JAK1: variants seen among roughly 807,000 people sequenced by gnomAD.
The protein encoded by JAK1 is Janus kinase 1, also known as tyrosine-protein kinase JAK1.
JAK1 carries 16 observed loss-of-function variants against 136.6 expected under a neutral mutation model. The ratio of observed to expected loss-of-function variants is 0.12; its 90% confidence interval spans 0.08 to 0.18. The LOEUF (loss-of-function observed/expected upper bound fraction) is 0.18. Ranked by LOEUF, JAK1 falls within the 10% of genes least tolerant of loss-of-function variation. The pLI is 1.00. For synonymous variants in JAK1, 492 were observed against 519.5 expected (o/e 0.95, Z 0.72); for missense variants, 859 against 1,450.1 (o/e 0.59, Z 6.62).
At chr1:64,834,990 A>G (rs1654381153) in intron 24 of JAK1, among the ~76,000 whole-genome samples, 1 of 152,250 alleles carries the variant, frequency 6.6e-6, no homozygotes, top group Non-Finnish European at 1.5e-5. Flanking sequence ...CATACTGTTC[A>G]GTGTGTCTTA....
intron 2 of JAK1, among the ~76,000 whole-genome samples, chr1:65,031,660 C>T (rs979846125): frequency 6.6e-6 from 1 of 152,098 alleles, no homozygotes; most frequent in Non-Finnish European, 1.5e-5. Context: ...AATCATTTTG[C>T]TATGGTTATA....
rs751312753 is a variant in JAK1, at chr1:64,869,510, C to T, written c.484-36G>A. ...GGGGGAGAAACCATGAGAGCCCACC[C>T]GTTTTTGATCTTGACAAGAAGGCTA... On this transcript the variant is annotated intron_variant, in intron 5 of 24. Coordinates refer to ENST00000342505, the MANE Select transcript of JAK1 (RefSeq NM_002227.4). The T allele has an allele frequency of 4.6e-5, 73 of 1,588,152 alleles. No homozygotes were observed. The Admixed American group carries it at 8.5e-4, about 19-fold the overall frequency.
In JAK1 at chr1:64,839,385, C is replaced by T. The variant is rs1654743227; in HGVS notation, c.2842+218G>A. The T allele has an allele frequency of 3.3e-5, 15 of 455,716 alleles. No homozygotes were observed. The South Asian group carries it at 6.4e-4, about 19-fold the overall frequency. 28.2% of individuals were successfully genotyped at this position (455,716 alleles called of 1,614,324 possible). On this transcript the variant is annotated intron_variant, in intron 20 of 24. Transcript: ENST00000342505. The stretch of plus-strand genomic sequence containing the variant: ...GTGACGTGGAGAGACAGTGCTGGAA[C>T]CAGCCCCTGGATGGAGGGGCCTGGG...
intron 1 of JAK1, among the ~76,000 whole-genome samples, chr1:64,937,037 A>AG (rs1364992536): frequency 1.4e-5 from 2 of 145,044 alleles, no homozygotes; most frequent in African/African-American, 5.1e-5. Flanking sequence ...TGACTGTTTA[A>AG]AAAAAAAAAA....
chr1:65,010,214 GC>G (rs1291465721), intron 2 of JAK1, among the ~76,000 whole-genome samples: 1 of 152,160 alleles, frequency 6.6e-6, no homozygotes, highest in Non-Finnish European at 1.5e-5. Flanking sequence ...ATAGAATAAA[GC>G]AAAAGTGACA....
rs769688345 is a variant in JAK1, at chr1:64,845,540, T to C, written c.2088A>G (p.Lys696=). ...LTTPWKFKVA[K]QLASALSYLE... ...AGTAGCTCAGGGCACTGGCCAGCTG[T>C]TTGGCAACTTTGAATTTCCATGGTG... The change falls in exon 15 of 25, where the codon AAA becomes AAG. Residue 696 remains lysine (K), a synonymous_variant. Transcript: ENST00000342505. The C allele has an allele frequency of 3.1e-6, 5 of 1,614,068 alleles. No homozygotes were observed. In the East Asian group the frequency reaches 1.1e-4, roughly 36 times the overall value.
At chr1:64,888,492 G>A (rs1185564727) in intron 1 of JAK1, among the ~76,000 whole-genome samples, 1 of 152,154 alleles carries the variant, frequency 6.6e-6, no homozygotes, top group African/African-American at 2.4e-5. Context: ...AACTTAAAAA[G>A]TTTTTTAATA....
Position 65,050,935 on chromosome 1 carries a change from T to C in JAK1, c.-180-6353A>G, listed in dbSNP as rs555841951. Among the ~76,000 whole-genome samples, 6 of 152,244 alleles carry C rather than the reference T, an allele frequency of 3.9e-5. No homozygotes were observed. The South Asian group carries it at 1.2e-3, about 32-fold the overall frequency. On this transcript the variant is annotated intron_variant, in intron 1 of 25. Transcript: ENST00000671954. ...GAAACATGGAGAACTCTTCTACTCT[T>C]TGAGGATTTCAATGAGGATGAAATG...
chr1:64,842,444 C>T (rs1235362646), intron 17 of JAK1, among the ~76,000 whole-genome samples: 1 of 145,574 alleles, frequency 6.9e-6, no homozygotes, highest in Non-Finnish European at 1.5e-5. Context: ...CTCTCTGGTC[C>T]CCGTGGGCCC....
At chr1:64,913,667 G>GGAAGGAAA (rs1488276141) in intron 1 of JAK1, among the ~76,000 whole-genome samples, 3 of 22,928 alleles carry the variant, frequency 1.3e-4, no homozygotes, top group Admixed American at 3.2e-4. Context: ...AAGGAAGGAA[G>GGAAGGAAA]GAAGGAAGGA....
intron 1 of JAK1, among the ~76,000 whole-genome samples, chr1:64,962,711 A>G (rs1293120840): frequency 6.6e-6 from 1 of 152,212 alleles, no homozygotes; most frequent in African/African-American, 2.4e-5. Context: ...GGGGGAGAGT[A>G]AGAAGCAGAG....
intron 6 of JAK1, among the ~76,000 whole-genome samples, chr1:64,867,991 C>T (rs1320452507): frequency 6.6e-6 from 1 of 151,516 alleles, no homozygotes; most frequent in African/African-American, 2.4e-5. Flanking sequence ...ACTCCGTCCC[C>T]CCAAGCACCC....
At chr1:65,018,404 A>T (rs1018408450) in intron 2 of JAK1, among the ~76,000 whole-genome samples, 2 of 151,968 alleles carry the variant, frequency 1.3e-5, no homozygotes, top group Non-Finnish European at 2.9e-5. Flanking sequence ...TGATTCTTTG[A>T]GAAGACTAAA....
chr1:64,931,562 T>C (rs1645693238), intron 1 of JAK1, among the ~76,000 whole-genome samples: 1 of 151,946 alleles, frequency 6.6e-6, no homozygotes, highest in Admixed American at 6.5e-5. Flanking sequence ...GGTTGTATCC[T>C]AGGCAATTAC....
At chr1:64,927,649 G>A (rs1000675508) in intron 1 of JAK1, among the ~76,000 whole-genome samples, 7 of 152,214 alleles carry the variant, frequency 4.6e-5, no homozygotes, top group Non-Finnish European at 8.8e-5. Context: ...GTAACAGGTT[G>A]CTGATGGTTG....
At chr1:64,900,590 CTG>C in intron 1 of JAK1, among the ~76,000 whole-genome samples, 1 of 152,166 alleles carries the variant, frequency 6.6e-6, no homozygotes, top group East Asian at 1.9e-4. Context: ...CGTTCTAACT[CTG>C]TTGTCTCTGT....
At chr1:65,007,965 G>A (rs975004736) in intron 2 of JAK1, among the ~76,000 whole-genome samples, 1 of 152,046 alleles carries the variant, frequency 6.6e-6, no homozygotes, top group Non-Finnish European at 1.5e-5. Flanking sequence ...GGCTGGTCTC[G>A]AACTCCTGAC....
chr1:64,991,781 A>C (rs575465977), intron 2 of JAK1: 1 of 152,362 alleles, frequency 6.6e-6, no homozygotes, highest in African/African-American at 2.4e-5. Flanking sequence ...TTGTCTATAC[A>C]TCAGCAGTGG....
chr1:64,844,560 C>T lies in JAK1; in HGVS notation c.2251+194G>A, dbSNP rs115631335. On this transcript the variant is annotated intron_variant, in intron 16 of 24. Transcript: ENST00000342505. This position sits in a 1 kb window ranked among gnomAD's most constrained non-coding sequence, Gnocchi z 5.7. ...CCATCACCCAGGGCAGGAGGACGAA[C>T]GGGGGCTCGTTCAAGGACTTAAGAG... is the stretch of plus-strand genomic sequence containing the variant. 3.5e-3 allele frequency among the ~76,000 whole-genome samples: 526 copies of T among 152,014 alleles called. 5 individuals carry two copies. The highest frequency in any genetic ancestry group is 0.012 in the African/African-American group (489 of 41,470).
Sources: allele counts gnomAD v4.1 joint callset (sites outside exome capture counted in the v4.1 genomes callset), GRCh38; gene constraint gnomAD v4.1.1; non-coding constraint Gnocchi (gnomAD v3.1); transcripts MANE v1.5; gene names NCBI Gene and HGNC (gene_info 2026-07-23, HGNC 2026-07-21).